The following SLC34A3 variants were observed in gnomAD, a reference collection of about 807,000 sequenced individuals.
SLC34A3 encodes the protein solute carrier family 34 member 3.
A neutral mutation model predicts 43.9 loss-of-function variants in SLC34A3; 60 were observed. That is an observed-to-expected ratio of 1.37 (90% confidence interval 1.11 to 1.70). The LOEUF (loss-of-function observed/expected upper bound fraction) is 1.70. SLC34A3 is among the 40% of genes most tolerant of loss of function. The probability of loss-of-function intolerance (pLI) is 0.00; values close to 1 mark genes in which losing one functional copy is unlikely to be tolerated. For synonymous variants in SLC34A3, 451 were observed against 386.2 expected (o/e 1.17, Z -1.97); for missense variants, 969 against 823.8 (o/e 1.18, Z -2.16).
intron 12 of SLC34A3, among the ~76,000 whole-genome samples, chr9:137,235,279 C>G (rs1484827697): frequency 2.0e-5 from 3 of 152,202 alleles, no homozygotes; most frequent in Non-Finnish European, 4.4e-5. Flanking sequence ...GCTGGTTCTC[C>G]CTCTAAAACA....
intron 1 of SLC34A3, 40 bp from the exon 2 acceptor site, chr9:137,231,624 C>A: frequency 8.0e-7 from 1 of 1,255,148 alleles, no homozygotes; most frequent in Non-Finnish European, 1.2e-6. Flanking sequence ...AGGGCCGGGG[C>A]AGGAGGAAAT....
At chr9:137,229,926 C>T (rs1195667666), upstream of SLC34A3, among the ~76,000 whole-genome samples, 1 of 152,094 alleles carries the variant, frequency 6.6e-6, no homozygotes, top group Non-Finnish European at 1.5e-5. Flanking sequence ...AACGAGCTGT[C>T]ACTCAGGAGC....
At chr9:137,235,920 G>C in intron 12 of SLC34A3, 32 bp from the exon 13 acceptor site, 1 of 1,605,610 alleles carries the variant, frequency 6.2e-7, no homozygotes, top group South Asian at 1.1e-5. Context: ...ACCTCGTTGG[G>C]CCCAGGCCCC....
rs185808314 is a variant in SLC34A3 at position 137,235,891 on chromosome 9, C to T, written c.1336-61C>T. ...TGTAGGGTGGAGGAGGGCAGGGGTCCGGGGCCCCTGGTGACCCCACCTCGT... is the reference window on the plus strand; with the variant it reads ...TGTAGGGTGGAGGAGGGCAGGGGTCTGGGGCCCCTGGTGACCCCACCTCGT... On this transcript the variant is annotated intron_variant, in intron 12 of 12. Transcript: ENST00000673835. The T allele has an allele frequency of 7.3e-4, 1,109 of 1,516,842 alleles. 6 individuals carry two copies. In the African/African-American group the frequency reaches 0.012, roughly 17 times the overall value. 94.0% of individuals were successfully genotyped at this position (1,516,842 alleles called of 1,614,324 possible). A position where few individuals can be genotyped will look rare whatever the true frequency, so the allele number is the denominator to read the frequency against.
rs142839759 is a variant in SLC34A3, at chr9:137,234,254, C to T, written c.1071C>T (p.Val357=). 571 of 1,610,796 alleles carry T rather than the reference C, an allele frequency of 3.5e-4. 4 individuals are homozygous for T. Among genetic ancestry groups the T allele is most frequent in the Non-Finnish European group, 6.4e-5 (76 of 1,179,508 alleles). ...TGCTGCGCGGCCGCGTGGCCCAGGT[C>T]GTGAGGACAGTCATCAATGCGGGTG... The part of the protein sequence containing the change: ...NSVLRGRVAQ[V]VRTVINADFP... The change falls in exon 10 of 13, where the codon GTC becomes GTT. Residue 357 remains valine, a synonymous_variant. Transcript: ENST00000673835. The surrounding 1 kb of genome is among the most constrained non-coding windows in gnomAD (Gnocchi z 6.9).
At position 137,236,423 on chromosome 9, in the gene SLC34A3, G is replaced by C; in HGVS notation, c.*7G>C. On this transcript the variant is annotated 3_prime_UTR_variant, in exon 13 of 13. Transcript: ENST00000673835. The stretch of plus-strand genomic sequence containing the variant: ...GGCCTCCCAGCAGTTGTGACGGGCA[G>C]TTGCTGAGCAGACCGCCCCACCCTC... 6.5e-7 allele frequency: 1 copy of C among 1,536,070 alleles called. No homozygotes were observed. Among genetic ancestry groups the C allele is most frequent in the Non-Finnish European group, 8.7e-7 (1 of 1,146,254 alleles).
At position 137,234,989 on chromosome 9, in the gene SLC34A3, GGGGGCCT is replaced by G; in HGVS notation, c.1335+260_1335+266del. Among the ~76,000 whole-genome samples the G allele has an allele frequency of 6.6e-6, 1 of 152,228 alleles. No individual in the cohort carries two copies. Among genetic ancestry groups the G allele is most frequent in the African/African-American group, 2.4e-5 (1 of 41,552 alleles). On this transcript the variant is annotated intron_variant, in intron 12 of 12. Coordinates refer to ENST00000673835, the MANE Select transcript of SLC34A3 (RefSeq NM_001177316.2). This position sits in a 1 kb window ranked among gnomAD's most constrained non-coding sequence, Gnocchi z 6.9. ...TTTCTCAGCTCTTTGCTGTGTCCCT[GGGGGCCT>G]GCCCCCAGCATCTCAGGGGGCTCTA...
At position 137,232,147 on chromosome 9, in the gene SLC34A3, G is replaced by T; in HGVS notation, c.161G>T (p.Ser54Ile). ...ACCCTCCCTCAGCTGAAGGACACAA[G>T]CCAGCCCTGGAAAGGTGGGTCTGGA... ...PWTLPQLKDT[S>I]QPWKELRVAG... The change falls in exon 3 of 13, where the codon AGC becomes ATC. Residue 54 changes from serine (S) to isoleucine (I), a missense_variant. Ser to Ile is a moderately radical substitution (Grantham distance 142). Transcript: ENST00000673835. The T allele has an allele frequency of 6.2e-7, 1 of 1,613,102 alleles. No homozygotes were observed.
In SLC34A3 at chr9:137,234,429, G is replaced by A. The variant is rs550877277; in HGVS notation, c.1107G>A (p.Pro369=). 162 of 1,598,724 alleles carry A rather than the reference G, an allele frequency of 1.0e-4. No homozygotes were observed. In the South Asian group the frequency reaches 1.4e-3, roughly 14 times the overall value. ...CATCCCCCACAGACTTCCCCTTCCC[G>A]CTGGGCTGGCTCGGCGGCTACCTGG... ...RTVINADFPF[P]LGWLGGYLAV... Residue 369 remains proline (P), a synonymous_variant, in exon 11 of 13, where the codon CCG becomes CCA. Coordinates refer to ENST00000673835, the MANE Select transcript of SLC34A3 (RefSeq NM_001177316.2). The surrounding 1 kb of genome is among the most constrained non-coding windows in gnomAD (Gnocchi z 6.9).
At position 137,235,990 on chromosome 9, in the gene SLC34A3, C is replaced by T. The variant is rs1023645371; in HGVS notation, c.1374C>T (p.Ile458=). The stretch of plus-strand genomic sequence containing the variant: ...ACTTCTTCTTCAACCTGGCCGGCAT[C>T]CTGCTGTGGTACCTGGTGCCTGCAC... ...LIHFFFNLAG[I]LLWYLVPALR... Residue 458 remains isoleucine (I), a synonymous_variant, in exon 13 of 13, where the codon ATC becomes ATT. Coordinates refer to ENST00000673835, the MANE Select transcript of SLC34A3 (RefSeq NM_001177316.2). 1.5e-5 allele frequency: 24 copies of T among 1,612,436 alleles called. No individual in the cohort carries two copies. Among genetic ancestry groups the T allele is most frequent in the African/African-American group, 4.0e-5 (3 of 74,926 alleles).
In SLC34A3 at chr9:137,235,888, G is replaced by A. The variant is rs112406019; in HGVS notation, c.1336-64G>A. ...TTCTGTAGGGTGGAGGAGGGCAGGG[G>A]TCCGGGGCCCCTGGTGACCCCACCT... On this transcript the variant is annotated intron_variant, in intron 12 of 12. Coordinates refer to ENST00000673835, the MANE Select transcript of SLC34A3 (RefSeq NM_001177316.2). 6 of 1,482,376 alleles carry A rather than the reference G, an allele frequency of 4.0e-6. No homozygotes were observed. In the African/African-American group the frequency reaches 4.1e-5, roughly 10 times the overall value. 91.8% of individuals were successfully genotyped at this position (1,482,376 alleles called of 1,614,324 possible).
chr9:137,235,113 C>T (rs962226917), intron 12 of SLC34A3, among the ~76,000 whole-genome samples: 1 of 151,890 alleles, frequency 6.6e-6, no homozygotes, highest in Non-Finnish European at 1.5e-5. Context: ...CCCATCTGGA[C>T]GACCCTCCCA....
At position 137,234,732 on chromosome 9, in the gene SLC34A3, G is replaced by A; in HGVS notation, c.1335+1G>A. ...AGACAGGATGCTCAGCGCCCTGCAGGTACTGTCCACCCTGCCCCGCTGCCA... is the reference window on the plus strand; with the variant it reads ...AGACAGGATGCTCAGCGCCCTGCAGATACTGTCCACCCTGCCCCGCTGCCA... On this transcript the variant is annotated splice_donor_variant, in intron 12 of 12. Transcript: ENST00000673835. LOFTEE classifies it high-confidence loss of function. The surrounding 1 kb of genome is among the most constrained non-coding windows in gnomAD (Gnocchi z 6.9). 1 of 1,608,534 alleles carries A rather than the reference G, an allele frequency of 6.2e-7. No individual in the cohort carries two copies. Among genetic ancestry groups the A allele is most frequent in the Non-Finnish European group, 8.5e-7 (1 of 1,179,796 alleles).
intron 4 of SLC34A3, 35 bp downstream of exon 4, chr9:137,232,738 G>T: frequency 6.2e-7 from 1 of 1,612,916 alleles, no homozygotes; most frequent in Non-Finnish European, 8.5e-7. Context: ...GGCGGGGCGG[G>T]CAACCAGCCC....
chr9:137,234,254 C>G lies in SLC34A3; in HGVS notation c.1071C>G (p.Val357=). ...TGCTGCGCGGCCGCGTGGCCCAGGT[C>G]GTGAGGACAGTCATCAATGCGGGTG... ...NSVLRGRVAQ[V]VRTVINADFP... The change falls in exon 10 of 13, where the codon GTC becomes GTG. Residue 357 remains valine, a synonymous_variant. Coordinates refer to ENST00000673835, the MANE Select transcript of SLC34A3 (RefSeq NM_001177316.2). The surrounding 1 kb of genome is among the most constrained non-coding windows in gnomAD (Gnocchi z 6.9). The G allele has an allele frequency of 1.2e-6, 2 of 1,610,914 alleles. No homozygotes were observed. Among genetic ancestry groups the G allele is most frequent in the Non-Finnish European group, 8.5e-7 (1 of 1,179,500 alleles).
Position 137,236,010 on chromosome 9 carries a change from C to T in SLC34A3, c.1394C>T (p.Pro465Leu), listed in dbSNP as rs777056115. 8.1e-6 allele frequency: 13 copies of T among 1,612,666 alleles called. No homozygotes were observed. The highest frequency in any genetic ancestry group is 1.0e-5 in the Non-Finnish European group (12 of 1,179,890). Residue 465 changes from proline to leucine, a missense_variant, in exon 13 of 13, where the codon CCT (proline) becomes CTT (leucine). Pro to Leu is a moderately conservative substitution (Grantham distance 98). Transcript: ENST00000673835. ...LAGILLWYLV[P>L]ALRLPIPLAR... ...GGCATCCTGCTGTGGTACCTGGTGC[C>T]TGCACTGCGGCTGCCCATCCCGCTG...
At position 137,234,319 on chromosome 9, in the gene SLC34A3, C is replaced by A. The variant is rs1307330501; in HGVS notation, c.1093+43C>A. 1.2e-6 allele frequency: 2 copies of A among 1,605,056 alleles called. No homozygotes were observed. The highest frequency in any genetic ancestry group is 4.5e-5 in the East Asian group (2 of 44,820). ...GGTGCGGTGGCCAGGGCTGACCCAGCATCCCCCATAGACTTCCCCTTCCCA... is the reference window on the plus strand; with the variant it reads ...GGTGCGGTGGCCAGGGCTGACCCAGAATCCCCCATAGACTTCCCCTTCCCA... On this transcript the variant is annotated intron_variant, in intron 10 of 12. Transcript: ENST00000673835. The surrounding 1 kb of genome is among the most constrained non-coding windows in gnomAD (Gnocchi z 6.9).
In SLC34A3 at chr9:137,236,443, A is replaced by G; in HGVS notation, c.*27A>G. 1.3e-6 allele frequency: 2 copies of G among 1,527,134 alleles called. No individual in the cohort carries two copies. Among genetic ancestry groups the G allele is most frequent in the Non-Finnish European group, 1.8e-6 (2 of 1,139,230 alleles). 94.6% of individuals were successfully genotyped at this position (1,527,134 alleles called of 1,614,324 possible). A position where few individuals can be genotyped will look rare whatever the true frequency, so the allele number is the denominator to read the frequency against. ...GGGCAGTTGCTGAGCAGACCGCCCC[A>G]CCCTCCCCGGCTGGGAGGGCTCTGG... On this transcript the variant is annotated 3_prime_UTR_variant, in exon 13 of 13. Transcript: ENST00000673835.
intron 8 of SLC34A3, 57 bp downstream of exon 8, chr9:137,233,779 T>TTTGGC: frequency 2.1e-6 from 3 of 1,445,798 alleles, no homozygotes; most frequent in Non-Finnish European, 2.9e-6. Context: ...TGCTGAGTCA[T>TTTGGC]CCCGCCCCAC....
Sources: allele counts gnomAD v4.1 joint callset (sites outside exome capture counted in the v4.1 genomes callset), GRCh38; gene constraint gnomAD v4.1.1; non-coding constraint Gnocchi (gnomAD v3.1); transcripts MANE v1.5; gene names NCBI Gene and HGNC (gene_info 2026-07-23, HGNC 2026-07-21).